The following GFOD1 variants were observed in gnomAD, a reference collection of about 807,000 sequenced individuals.
GFOD1 encodes the protein glucose-fructose oxidoreductase domain-containing protein 1.
In GFOD1, 9 loss-of-function variants were observed where a neutral mutation model predicts 25.4. The observed-to-expected ratio is 0.35, with a 90% CI of 0.21 to 0.62. The LOEUF is 0.62. Among genes scored for constraint, GFOD1 ranks in the 20% least tolerant of loss-of-function variants. The pLI is 0.72. For missense variants in GFOD1, 403 were observed against 556.9 expected (o/e 0.72, Z 2.78); for synonymous variants, 253 against 245.6 (o/e 1.03, Z -0.28).
At chr6:13,406,499 C>T (rs1584632900) in intron 1 of GFOD1, among the ~76,000 whole-genome samples, 1 of 152,150 alleles carries the variant, frequency 6.6e-6, no homozygotes, top group African/African-American at 2.4e-5. Context: ...TAATCCTAAA[C>T]AGACGGGAGG....
chr6:13,409,140 A>AGAAAGAAAGAAAGAAAGAAGGAAG (rs1222118098), intron 1 of GFOD1, among the ~76,000 whole-genome samples: 1 of 48,992 alleles, frequency 2.0e-5, no homozygotes, highest in African/African-American at 4.8e-5. Flanking sequence ...AAAGAAAGAA[A>AGAAAGAAAGAAAGAAAGAAGGAAG]GAAAGAAAGA....
chr6:13,360,398 T>G lies in GFOD1; in HGVS notation c.*4345A>C. The G allele has an allele frequency of 3.2e-6, 1 of 317,322 alleles. No homozygotes were observed. The highest frequency in any genetic ancestry group is 6.2e-6 in the Non-Finnish European group (1 of 160,504). 19.7% of individuals were successfully genotyped at this position (317,322 alleles called of 1,614,324 possible). ...TGGCTATGAGACAAGATGAAGAGAG[T>G]AGGGGTGCAAAGAAAGGTGCAGTGC... On this transcript the variant is annotated 3_prime_UTR_variant, in exon 2 of 2. Coordinates refer to ENST00000379287, the MANE Select transcript of GFOD1 (RefSeq NM_018988.4).
Position 13,486,840 on chromosome 6 carries a change from GA to G in GFOD1, c.50del (p.Ile17ThrfsTer5). 1 of 1,613,394 alleles carries G rather than the reference GA, an allele frequency of 6.2e-7. No individual in the cohort carries two copies. Among genetic ancestry groups the G allele is most frequent in the Non-Finnish European group, 8.5e-7 (1 of 1,179,992 alleles). ...AGCCCTCGTCTTTCAGCAGCGGGAT[GA>G]TGACACGGGCCGTGAGGCTGGTGCC... ...VFGTSLTARV[I>X]IPLLKDEGFA... On this transcript the variant is annotated frameshift_variant, in exon 1 of 2. Coordinates refer to ENST00000379287, the MANE Select transcript of GFOD1 (RefSeq NM_018988.4). LOFTEE classifies it high-confidence loss of function.
At chr6:13,374,273 T>TGTGTGTG (rs1554199407) in intron 1 of GFOD1, among the ~76,000 whole-genome samples, 38 of 134,418 alleles carry the variant, frequency 2.8e-4, no homozygotes, top group African/African-American at 1.0e-3. Flanking sequence ...TGTTTTTTTT[T>TGTGTGTG]TGTGTGTGTG....
At chr6:13,400,805 C>T (rs560406027) in intron 1 of GFOD1, among the ~76,000 whole-genome samples, 5 of 152,274 alleles carry the variant, frequency 3.3e-5, no homozygotes, top group African/African-American at 7.2e-5. Context: ...GGTGAGGGAA[C>T]ACAGGAGGCC....
intron 1 of GFOD1, among the ~76,000 whole-genome samples, chr6:13,410,385 T>C (rs1380695291): frequency 6.6e-6 from 1 of 152,004 alleles, no homozygotes; most frequent in African/African-American, 2.4e-5. Flanking sequence ...CTAACCAACA[T>C]AACGAAACCC....
In GFOD1 at chr6:13,396,475, C is replaced by T. The variant is rs144265323; in HGVS notation, c.254-30813G>A. On this transcript the variant is annotated intron_variant, in intron 1 of 1. Transcript: ENST00000379287. ...GGTGGCCTTTTCCTAGGAGTTGGTGCCAAGGATTCTGAGTCCTCCTGTGTG... is the reference window on the plus strand; with the variant it reads ...GGTGGCCTTTTCCTAGGAGTTGGTGTCAAGGATTCTGAGTCCTCCTGTGTG... Among the ~76,000 whole-genome samples the T allele has an allele frequency of 6.6e-5, 10 of 152,258 alleles. No individual in the cohort carries two copies. In the East Asian group the frequency reaches 1.7e-3, roughly 26 times the overall value.
chr6:13,371,108 C>G (rs1488023931), intron 1 of GFOD1, among the ~76,000 whole-genome samples: 2 of 152,204 alleles, frequency 1.3e-5, no homozygotes, highest in South Asian at 4.1e-4. Context: ...TCTCTAAGCA[C>G]GTGGCTATGA....
intron 1 of GFOD1, among the ~76,000 whole-genome samples, chr6:13,396,929 GGAAACTCATAT>G (rs1785744600): frequency 1.3e-5 from 2 of 152,114 alleles, no homozygotes; most frequent in African/African-American, 2.4e-5. Flanking sequence ...CAACAGCAAG[GGAAACTCATAT>G]ACCTGGGGAT....
intron 1 of GFOD1, among the ~76,000 whole-genome samples, chr6:13,440,916 C>T (rs1757904400): frequency 6.6e-6 from 1 of 152,138 alleles, no homozygotes; most frequent in Non-Finnish European, 1.5e-5. Flanking sequence ...TGTTCCTCCC[C>T]ACAGACAGAA....
chr6:13,486,732 G>A lies in GFOD1; in HGVS notation c.159C>T (p.Ser53=), dbSNP rs1382858516. ...GATGCAGCAGCACCTCATCAATGCG[G>A]CTAGTGTAGAAGGGGACACTCATCT... The part of the protein sequence containing the change: ...AKEMSVPFYT[S]RIDEVLLHQD... Residue 53 remains serine (S), a synonymous_variant, in exon 1 of 2, where the codon AGC becomes AGT. Transcript: ENST00000379287. 3 of 1,614,122 alleles carry A rather than the reference G, an allele frequency of 1.9e-6. No individual in the cohort carries two copies. In the South Asian group the frequency reaches 3.3e-5, roughly 18 times the overall value.
chr6:13,383,663 G>A (rs932262269), intron 1 of GFOD1, among the ~76,000 whole-genome samples: 15 of 152,190 alleles, frequency 9.9e-5, no homozygotes, highest in Non-Finnish European at 8.8e-5. Flanking sequence ...TGGCTCTCAC[G>A]CCTTGGGTTT....
At chr6:13,412,356 C>T (rs1786091113) in intron 1 of GFOD1, among the ~76,000 whole-genome samples, 1 of 152,140 alleles carries the variant, frequency 6.6e-6, no homozygotes, top group Non-Finnish European at 1.5e-5. Context: ...GAGAAGACAC[C>T]ACCTACAAGG....
At position 13,364,499 on chromosome 6, in the gene GFOD1, A is replaced by ATCATCCC; in HGVS notation, c.*243_*244insGGGATGA. The ATCATCCC allele has an allele frequency of 5.4e-6, 3 of 553,296 alleles. No homozygotes were observed. Among genetic ancestry groups the ATCATCCC allele is most frequent in the Non-Finnish European group, 9.7e-6 (3 of 309,454 alleles). The allele number at this position is 553,296 out of a possible 1,614,324, so 34.3% of individuals were successfully genotyped here. A position where few individuals can be genotyped will look rare whatever the true frequency, so the allele number is the denominator to read the frequency against. On this transcript the variant is annotated 3_prime_UTR_variant, in exon 2 of 2. Coordinates refer to ENST00000379287, the MANE Select transcript of GFOD1 (RefSeq NM_018988.4). This position sits in a 1 kb window ranked among gnomAD's most constrained non-coding sequence, Gnocchi z 4.1. ...AACCACTCTCGTGCAAATACCCAGCAGGGATCATCCCAGGAATGGCAGGCT... is the reference window on the plus strand; with the variant it reads ...AACCACTCTCGTGCAAATACCCAGCATCATCCCGGGATCATCCCAGGAATGGCAGGCT...
At chr6:13,427,519 T>C (rs533583571) in intron 1 of GFOD1, among the ~76,000 whole-genome samples, 14 of 152,158 alleles carry the variant, frequency 9.2e-5, no homozygotes, top group African/African-American at 3.4e-4. Context: ...GGCATGGTGG[T>C]GTGCACCTCT....
intron 1 of GFOD1, among the ~76,000 whole-genome samples, chr6:13,385,124 C>T (rs1046587996): frequency 1.3e-5 from 2 of 152,114 alleles, no homozygotes; most frequent in East Asian, 1.9e-4. Context: ...GCTCAGTAAC[C>T]GGGAGAGTGC....
chr6:13,403,181 A>G (rs1785882187), intron 1 of GFOD1, among the ~76,000 whole-genome samples: 1 of 150,444 alleles, frequency 6.6e-6, no homozygotes. Context: ...GCTGGAGTAC[A>G]GTGGTGCGAA....
intron 1 of GFOD1, among the ~76,000 whole-genome samples, chr6:13,397,662 G>A (rs1438929244): frequency 6.6e-6 from 1 of 152,198 alleles, no homozygotes; most frequent in Admixed American, 6.5e-5. Flanking sequence ...AGAGCAGGGT[G>A]GGGAACAGGA....
chr6:13,387,501 A>G lies in GFOD1; in HGVS notation c.254-21839T>C, dbSNP rs1294511034. 2.6e-5 allele frequency among the ~76,000 whole-genome samples: 4 copies of G among 152,218 alleles called. No individual in the cohort carries two copies. In the East Asian group the frequency reaches 7.7e-4, roughly 29 times the overall value. On this transcript the variant is annotated intron_variant, in intron 1 of 1. Transcript: ENST00000379287. ...TAAACGTAATCCATCACATAAACAGAACCAACAACAAAAACCACATGATTA... is the reference window on the plus strand; with the variant it reads ...TAAACGTAATCCATCACATAAACAGGACCAACAACAAAAACCACATGATTA...
Sources: gnomAD v4.1 joint callset for allele counts (sites outside exome capture counted in the v4.1 genomes callset) on GRCh38, gnomAD v4.1.1 for gene constraint, Gnocchi (gnomAD v3.1) non-coding constraint, MANE v1.5 for transcripts, NCBI Gene and HGNC (gene_info 2026-07-23, HGNC 2026-07-21) for gene names.